Variants in MYO9A observed in about 807,000 individuals in gnomAD.
MYO9A encodes myosin IXA.
Under a neutral mutation model 293.3 loss-of-function variants are expected in MYO9A, and 103 were observed. That is an observed-to-expected ratio of 0.35 (90% CI 0.30 to 0.41). MYO9A has a LOEUF of 0.41. Among genes scored for constraint, MYO9A ranks in the 10% least tolerant of loss-of-function variants. The pLI, the probability that MYO9A is intolerant of heterozygous loss-of-function variation, is 1.00. For synonymous variants in MYO9A, 1,001 were observed against 1,035.7 expected, an observed-to-expected ratio of 0.97 and a Z score of 0.64; for missense variants, 2,685 against 3,033.0, an observed-to-expected ratio of 0.89 and a Z score of 2.69.
chr15:72,047,774 CTTTTTTTTTTT>C (rs11397735), intron 1 of MYO9A, among the ~76,000 whole-genome samples: 3 of 74,390 alleles, frequency 4.0e-5, no homozygotes, highest in Non-Finnish European at 6.8e-5. Context: ...CAGTTACTTC[CTTTTTTTTTTT>C]TTTTTTTTTT....
chr15:72,021,052 T>C, intron 4 of MYO9A, 35 bp from the exon 5 acceptor site: 2 of 1,353,486 alleles, frequency 1.5e-6, no homozygotes, highest in Non-Finnish European at 2.0e-6. Context: ...TTTCATAATG[T>C]GTGACTTATG....
intron 32 of MYO9A, among the ~76,000 whole-genome samples, chr15:71,870,980 GA>G (rs1301440338): frequency 6.6e-6 from 1 of 151,986 alleles, no homozygotes; most frequent in Non-Finnish European, 1.5e-5. Context: ...CACTATTAAA[GA>G]AAAAAAGCAT....
chr15:72,004,576 A>C (rs2076965117), intron 8 of MYO9A, among the ~76,000 whole-genome samples: 1 of 152,170 alleles, frequency 6.6e-6, no homozygotes, highest in Non-Finnish European at 1.5e-5. Context: ...AACAAAAAAA[A>C]ACCCTATTCT....
chr15:71,971,604 A>AAAAAAAAAG (rs2147445886), intron 12 of MYO9A, among the ~76,000 whole-genome samples: 2 of 11,196 alleles, frequency 1.8e-4, no homozygotes, highest in African/African-American at 6.0e-4. Flanking sequence ...AAAAAAAAAG[A>AAAAAAAAAG]AAAAAAAAAA....
At chr15:71,848,377 A>G (rs2055482885) in intron 39 of MYO9A, among the ~76,000 whole-genome samples, 1 of 152,232 alleles carries the variant, frequency 6.6e-6, no homozygotes, top group African/African-American at 2.4e-5. Context: ...ATTACAGTAG[A>G]CTCATAGATG....
In MYO9A at chr15:71,913,437, C is replaced by T. The variant is rs548126451; in HGVS notation, c.2685+2933G>A. Among the ~76,000 whole-genome samples the T allele has an allele frequency of 5.6e-4, 85 of 152,268 alleles. 2 individuals carry two copies. The South Asian group carries it at 0.017, about 30-fold the overall frequency. On this transcript the variant is annotated intron_variant, in intron 19 of 41. Transcript: ENST00000356056. ...AAAGCGTCCAGAGACTCTGTCATCA[C>T]CTTCCAAAATAAAAAATCTATTTTG... is the stretch of plus-strand genomic sequence containing the variant.
At chr15:71,872,187 T>C (rs1330844884) in intron 32 of MYO9A, among the ~76,000 whole-genome samples, 1 of 151,776 alleles carries the variant, frequency 6.6e-6, no homozygotes, top group African/African-American at 2.4e-5. Context: ...TTGGCAGTCA[T>C]TTTTTTTCTT....
chr15:72,099,909 CAAAAAA>C (rs34892673), intron 1 of MYO9A, among the ~76,000 whole-genome samples: 3 of 39,818 alleles, frequency 7.5e-5, no homozygotes, highest in Non-Finnish European at 1.2e-4. Context: ...GACTTGGTCT[CAAAAAA>C]AAAAAAAAAA....
intron 28 of MYO9A, among the ~76,000 whole-genome samples, chr15:71,883,196 C>T (rs1214292781): frequency 6.6e-6 from 1 of 152,128 alleles, no homozygotes; most frequent in Non-Finnish European, 1.5e-5. Flanking sequence ...TGAGGAGCAA[C>T]TGACTTAATA....
chr15:71,860,516 C>T (rs1280947961), intron 33 of MYO9A, among the ~76,000 whole-genome samples: 1 of 152,158 alleles, frequency 6.6e-6, no homozygotes, highest in East Asian at 1.9e-4. Flanking sequence ...TACACTAGCT[C>T]TGGCTTCTGT....
At chr15:71,934,786 C>CTTTTTTTTTTTTTTTTTTTTT (rs1167613386) in intron 17 of MYO9A, among the ~76,000 whole-genome samples, 2 of 61,788 alleles carry the variant, frequency 3.2e-5, no homozygotes, top group Non-Finnish European at 5.6e-5. Context: ...CTTTTCTTTT[C>CTTTTTTTTTTTTTTTTTTTTT]TTTTTTTTTT....
intron 18 of MYO9A, among the ~76,000 whole-genome samples, chr15:71,927,756 T>C (rs1230921183): frequency 6.6e-6 from 1 of 151,774 alleles, no homozygotes; most frequent in Non-Finnish European, 1.5e-5. Context: ...GTTTCAGGTC[T>C]TATATTTAAG....
intron 6 of MYO9A, among the ~76,000 whole-genome samples, chr15:72,014,727 A>AAGAG (rs139154140): frequency 6.6e-6 from 1 of 150,526 alleles, no homozygotes; most frequent in Non-Finnish European, 1.5e-5. Context: ...AAAAGAAGAG[A>AAGAG]AGAGAGAGAG....
At chr15:71,861,679 TAAAAAAA>T (rs66598621) in intron 33 of MYO9A, among the ~76,000 whole-genome samples, 23 of 82,914 alleles carry the variant, frequency 2.8e-4, no homozygotes, top group African/African-American at 7.9e-4. Context: ...ACTGATGATA[TAAAAAAA>T]AAAAAAAAAA....
At position 71,824,885 on chromosome 15, in the gene MYO9A, G is replaced by T. The variant is rs2054406716; in HGVS notation, c.*1695C>A. The stretch of plus-strand genomic sequence containing the variant: ...CTGGGGCTGGCCAATAACCACTGAG[G>T]CAGTGGCGTGAGGTTCAGTGTTGTG... On this transcript the variant is annotated 3_prime_UTR_variant, in exon 42 of 42. Coordinates refer to ENST00000356056, the MANE Select transcript of MYO9A (RefSeq NM_006901.4). 6.6e-6 allele frequency: 1 copy of T among 152,136 alleles called. No homozygotes were observed. The highest frequency in any genetic ancestry group is 2.1e-4 in the South Asian group (1 of 4,834). 9.4% of individuals were successfully genotyped at this position (152,136 alleles called of 1,614,324 possible).
intron 15 of MYO9A, among the ~76,000 whole-genome samples, chr15:71,940,210 A>C (rs1474543178): frequency 6.6e-6 from 1 of 152,100 alleles, no homozygotes; most frequent in African/African-American, 2.4e-5. Flanking sequence ...AATCATGCAA[A>C]TGGGCCAGGC....
intron 27 of MYO9A, among the ~76,000 whole-genome samples, chr15:71,887,784 G>C (rs1023573354): frequency 9.2e-5 from 14 of 152,152 alleles, no homozygotes; most frequent in African/African-American, 3.1e-4. Flanking sequence ...AACTTATGAG[G>C]GTTGAGGGAA....
intron 27 of MYO9A, among the ~76,000 whole-genome samples, chr15:71,887,706 T>C (rs1470909738): frequency 1.3e-5 from 2 of 152,186 alleles, no homozygotes; most frequent in East Asian, 1.9e-4. Flanking sequence ...GCATGCACTG[T>C]ATGCACTAAC....
At chr15:71,874,664 A>G (rs2142214712) in intron 32 of MYO9A, among the ~76,000 whole-genome samples, 2 of 152,352 alleles carry the variant, frequency 1.3e-5, no homozygotes, top group Middle Eastern at 6.8e-3. Context: ...TATGAGACTC[A>G]TAGTTCATCG....
Sources: gnomAD v4.1 joint callset for allele counts (sites outside exome capture counted in the v4.1 genomes callset) on GRCh38, gnomAD v4.1.1 for gene constraint, MANE v1.5 for transcripts, NCBI Gene and HGNC (gene_info 2026-07-23, HGNC 2026-07-21) for gene names.